RUNX1: variants seen among roughly 807,000 people sequenced by gnomAD.
RUNX1 encodes the protein runt-related transcription factor 1.
Under a neutral mutation model 42.8 loss-of-function variants are expected in RUNX1, and 19 were observed. The ratio of observed to expected loss-of-function variants is 0.44; its 90% CI spans 0.31 to 0.65. The LOEUF (loss-of-function observed/expected upper bound fraction) is 0.65, where lower values mean the gene tolerates loss of function less well. Among genes scored for constraint, RUNX1 ranks in the 30% least tolerant of loss-of-function variants. The pLI, the probability that RUNX1 is intolerant of heterozygous loss-of-function variation, is 0.07. For synonymous variants in RUNX1, 271 were observed against 289.4 expected (o/e 0.94, Z 0.64); for missense variants, 528 against 672.0 (o/e 0.79, Z 2.37).
At chr21:34,963,094 T>G (rs2058692927) in intron 2 of RUNX1, among the ~76,000 whole-genome samples, 1 of 152,210 alleles carries the variant, frequency 6.6e-6, no homozygotes, top group Non-Finnish European at 1.5e-5. Context: ...GCAGTCCTCC[T>G]GGGACAGGGC....
chr21:34,947,117 T>C lies in RUNX1; in HGVS notation c.59-54154A>G, dbSNP rs76489137. On this transcript the variant is annotated intron_variant, in intron 2 of 8. Transcript: ENST00000675419. ...CAAGTGGTTCAATGACTGTTCTCCCTGGCTTTGCATGTGTCATCTTACCAA... is the reference window on the plus strand; with the variant it reads ...CAAGTGGTTCAATGACTGTTCTCCCCGGCTTTGCATGTGTCATCTTACCAA... Among the ~76,000 whole-genome samples the C allele has an allele frequency of 5.1e-4, 78 of 152,374 alleles. 3 individuals carry two copies. In the East Asian group the frequency reaches 0.014, roughly 28 times the overall value.
chr21:34,845,539 G>A (rs2057302933), intron 6 of RUNX1, among the ~76,000 whole-genome samples: 2 of 152,286 alleles, frequency 1.3e-5, no homozygotes, highest in South Asian at 4.1e-4. Flanking sequence ...TTCAACAACT[G>A]TTTTGAACTT....
At chr21:34,874,504 G>A (rs1028859308) in intron 5 of RUNX1, among the ~76,000 whole-genome samples, 1 of 150,796 alleles carries the variant, frequency 6.6e-6, no homozygotes, top group Admixed American at 6.6e-5. Flanking sequence ...CAGCTACTTG[G>A]GAGGCCGAGG....
intron 5 of RUNX1, among the ~76,000 whole-genome samples, chr21:34,876,367 T>A (rs552644086): frequency 1.3e-5 from 2 of 152,344 alleles, no homozygotes; most frequent in Admixed American, 1.3e-4. Context: ...GTCTAGCTCA[T>A]TTGTACATGT....
intron 2 of RUNX1, among the ~76,000 whole-genome samples, chr21:34,967,785 G>A (rs2058732247): frequency 6.6e-6 from 1 of 152,170 alleles, no homozygotes; most frequent in African/African-American, 2.4e-5. Flanking sequence ...AAACCACACT[G>A]AACTCACTAG....
intron 2 of RUNX1, among the ~76,000 whole-genome samples, chr21:34,924,161 A>G (rs1345827368): frequency 1.3e-5 from 2 of 152,110 alleles, no homozygotes; most frequent in Non-Finnish European, 2.9e-5. Flanking sequence ...TTACCCATCA[A>G]TCCAACTTGG....
At chr21:34,887,235 C>A (rs992570583) in intron 3 of RUNX1, 139 bp from the exon 4 acceptor site, 3 of 335,890 alleles carry the variant, frequency 8.9e-6, no homozygotes, top group Admixed American at 1.0e-3. Context: ...TTTATTACTG[C>A]GGGGGGTGGG....
At chr21:35,008,816 T>C (rs889815485) in intron 2 of RUNX1, among the ~76,000 whole-genome samples, 1 of 152,172 alleles carries the variant, frequency 6.6e-6, no homozygotes, top group Non-Finnish European at 1.5e-5. Flanking sequence ...AGACTTTGAA[T>C]AAGGTAGGCT....
intron 3 of RUNX1, chr21:34,889,899 CG>C: frequency 1.9e-6 from 2 of 1,036,910 alleles, no homozygotes; most frequent in Non-Finnish European, 2.3e-6. Flanking sequence ...TCATCCACCC[CG>C]GGGCTGCAAC....
At chr21:34,951,161 C>A (rs2058604264) in intron 2 of RUNX1, among the ~76,000 whole-genome samples, 2 of 152,186 alleles carry the variant, frequency 1.3e-5, no homozygotes, top group South Asian at 4.1e-4. Context: ...GGATAGTTCA[C>A]ATGGTGACTC....
intron 2 of RUNX1, among the ~76,000 whole-genome samples, chr21:35,021,688 G>GACCT (rs2059199446): frequency 6.6e-6 from 1 of 152,156 alleles, no homozygotes; most frequent in Admixed American, 6.5e-5. Flanking sequence ...TACCTGCAGG[G>GACCT]ACCTACCCAG....
At position 34,790,970 on chromosome 21, in the gene RUNX1, A is replaced by G. The variant is rs1269198403; in HGVS notation, c.*1165T>C. ...AAATCAAATCCTCTCCAAAGATGTA[A>G]TTATTGGCACCTGCCTCAACCCTCT... On this transcript the variant is annotated 3_prime_UTR_variant, in exon 9 of 9. Coordinates refer to ENST00000675419, the MANE Select transcript of RUNX1 (RefSeq NM_001754.5). 4.3e-6 allele frequency: 1 copy of G among 233,552 alleles called. No individual in the cohort carries two copies. The highest frequency in any genetic ancestry group is 2.2e-5 in the African/African-American group (1 of 45,336). 14.5% of individuals were successfully genotyped at this position (233,552 alleles called of 1,614,324 possible). A position where few individuals can be genotyped will look rare whatever the true frequency, so the allele number is the denominator to read the frequency against.
chr21:34,928,405 G>T (rs1013898870), intron 2 of RUNX1, among the ~76,000 whole-genome samples: 3 of 152,132 alleles, frequency 2.0e-5, no homozygotes, highest in African/African-American at 7.2e-5. Context: ...TAAGGGCCAA[G>T]TTACGAGGCC....
intron 2 of RUNX1, among the ~76,000 whole-genome samples, chr21:35,037,975 G>A (rs1478902146): frequency 6.6e-6 from 1 of 151,690 alleles, no homozygotes; most frequent in Non-Finnish European, 1.5e-5. Context: ...CAGCTTCGGG[G>A]CCACGTTCTT....
rs2145907227 is a variant in RUNX1 at position 34,799,314 on chromosome 21, G to A, written c.954C>T (p.Ser318=). 6.2e-7 allele frequency: 1 copy of A among 1,614,186 alleles called. No homozygotes were observed. Among genetic ancestry groups the A allele is most frequent in the Non-Finnish European group, 8.5e-7 (1 of 1,180,022 alleles). The part of the protein sequence containing the change: ...SGMTTLSAEL[S]SRLSTAPDLT... The stretch of plus-strand genomic sequence containing the variant: ...CAAGTGGCTTACTTGAGAGTCGACT[G>A]GAAAGTTCTGCAGAGAGGGTTGTCA... Residue 318 remains serine (S), a synonymous_variant, in exon 8 of 9, where the codon TCC becomes TCT. Coordinates refer to ENST00000675419, the MANE Select transcript of RUNX1 (RefSeq NM_001754.5).
chr21:34,935,757 T>C (rs1242409711), intron 2 of RUNX1, among the ~76,000 whole-genome samples: 1 of 152,086 alleles, frequency 6.6e-6, no homozygotes, highest in East Asian at 1.9e-4. Context: ...TGATGTCACA[T>C]CCAAAAATGT....
chr21:34,859,022 AG>A (rs1395512055), intron 6 of RUNX1, among the ~76,000 whole-genome samples: 4 of 152,202 alleles, frequency 2.6e-5, no homozygotes, highest in African/African-American at 9.7e-5. Context: ...TCATTTTCAT[AG>A]TTTTCATCTC....
rs567810904 is a variant in RUNX1 at position 34,963,374 on chromosome 21, A to G, written c.59-70411T>C. 2.0e-5 allele frequency among the ~76,000 whole-genome samples: 3 copies of G among 152,262 alleles called. No homozygotes were observed. In the East Asian group the frequency reaches 5.8e-4, roughly 29 times the overall value. On this transcript the variant is annotated intron_variant, in intron 2 of 8. Coordinates refer to ENST00000675419, the MANE Select transcript of RUNX1 (RefSeq NM_001754.5). ...GCCTTTTAAAGCTCCTGCAGAGAGG[A>G]GTCCTTGTAAGACCAGGTTGCTGCT...
At chr21:34,810,914 A>G (rs2056749609) in intron 7 of RUNX1, among the ~76,000 whole-genome samples, 1 of 152,190 alleles carries the variant, frequency 6.6e-6, no homozygotes, top group African/African-American at 2.4e-5. Flanking sequence ...TTAGGCAGCC[A>G]GAGTTCCAAG....
Sources: gnomAD v4.1 joint callset for allele counts (sites outside exome capture counted in the v4.1 genomes callset) on GRCh38, gnomAD v4.1.1 for gene constraint, MANE v1.5 for transcripts, NCBI Gene and HGNC (gene_info 2026-07-23, HGNC 2026-07-21) for gene names.